The following PTPRD variants were observed in gnomAD, a reference collection of about 807,000 sequenced individuals.
The protein encoded by PTPRD is receptor-type tyrosine-protein phosphatase delta.
PTPRD carries 34 observed loss-of-function variants against 214.5 expected under a neutral mutation model. That is an observed-to-expected ratio of 0.16 (90% CI 0.12 to 0.21). The LOEUF (loss-of-function observed/expected upper bound fraction) is 0.21, where lower values mean the gene tolerates loss of function less well. Among genes scored for constraint, PTPRD ranks in the 10% least tolerant of loss-of-function variants. The pLI is 1.00. For synonymous variants in PTPRD, 1,128 were observed against 845.7 expected (o/e 1.33, Z -5.79); for missense variants, 2,545 against 2,398.7 (o/e 1.06, Z -1.27).
chr9:10,309,858 G>T (rs1459129097), intron 3 of PTPRD, among the ~76,000 whole-genome samples: 1 of 152,046 alleles, frequency 6.6e-6, no homozygotes, highest in Admixed American at 6.6e-5. Flanking sequence ...AGGCTACGCA[G>T]TATTTGACAA....
intron 39 of PTPRD, among the ~76,000 whole-genome samples, chr9:8,352,177 C>G (rs921340541): frequency 6.6e-6 from 1 of 151,772 alleles, no homozygotes; most frequent in Non-Finnish European, 1.5e-5. Context: ...GCTGAACACA[C>G]TCCCTATTAT....
At chr9:8,688,529 C>T (rs763609870) in intron 12 of PTPRD, among the ~76,000 whole-genome samples, 14 of 148,386 alleles carry the variant, frequency 9.4e-5, no homozygotes, top group East Asian at 7.9e-4. Flanking sequence ...CGCACCACTG[C>T]GCTCCAGCCT....
At chr9:8,993,869 G>T (rs1176032403) in intron 11 of PTPRD, among the ~76,000 whole-genome samples, 1 of 152,034 alleles carries the variant, frequency 6.6e-6, no homozygotes, top group Non-Finnish European at 1.5e-5. Context: ...AAACCTAGCA[G>T]GAGGGACACA....
At chr9:9,719,814 C>T (rs974790268) in intron 7 of PTPRD, among the ~76,000 whole-genome samples, 1 of 152,224 alleles carries the variant, frequency 6.6e-6, no homozygotes, top group Non-Finnish European at 1.5e-5. Flanking sequence ...GCATTCCCCT[C>T]ATCCGGACAT....
chr9:9,784,425 A>C (rs985855616), intron 5 of PTPRD, among the ~76,000 whole-genome samples: 3 of 152,064 alleles, frequency 2.0e-5, no homozygotes, highest in Non-Finnish European at 4.4e-5. Context: ...CCACAATTAT[A>C]CTGAAGGAAA....
intron 7 of PTPRD, among the ~76,000 whole-genome samples, chr9:9,615,882 T>A (rs924628250): frequency 2.0e-5 from 3 of 152,196 alleles, no homozygotes; most frequent in Admixed American, 1.3e-4. Flanking sequence ...AAACAAGTCC[T>A]CTCTCAATAG....
At chr9:10,566,948 C>T (rs2065820951) in intron 2 of PTPRD, among the ~76,000 whole-genome samples, 1 of 152,114 alleles carries the variant, frequency 6.6e-6, no homozygotes, top group South Asian at 2.1e-4. Context: ...CTACCTCTCA[C>T]TCAATATTTA....
intron 3 of PTPRD, among the ~76,000 whole-genome samples, chr9:10,037,715 T>C (rs1266764150): frequency 2.0e-5 from 3 of 152,144 alleles, no homozygotes; most frequent in Admixed American, 6.6e-5. Flanking sequence ...CTTCGTTTTC[T>C]TGGAAAAGAT....
intron 9 of PTPRD, among the ~76,000 whole-genome samples, chr9:9,294,757 T>C (rs1053552441): frequency 2.6e-5 from 4 of 151,630 alleles, no homozygotes; most frequent in Non-Finnish European, 5.9e-5. Context: ...TGAATTTCTG[T>C]TGTTTAAGTC....
At chr9:8,736,041 G>A (rs1337033481) in intron 11 of PTPRD, among the ~76,000 whole-genome samples, 1 of 152,130 alleles carries the variant, frequency 6.6e-6, no homozygotes, top group Admixed American at 6.6e-5. Context: ...TTTTAGAGCA[G>A]AGGAACCATG....
At chr9:8,985,388 A>T (rs1361714329) in intron 11 of PTPRD, among the ~76,000 whole-genome samples, 1 of 152,098 alleles carries the variant, frequency 6.6e-6, no homozygotes, top group African/African-American at 2.4e-5. Flanking sequence ...CCTTTAATAA[A>T]TTATTGAATA....
intron 9 of PTPRD, among the ~76,000 whole-genome samples, chr9:9,220,693 A>C (rs2099955399): frequency 6.6e-6 from 1 of 152,206 alleles, no homozygotes; most frequent in South Asian, 2.1e-4. Context: ...CAGCACAGTC[A>C]ACTACATTTG....
intron 5 of PTPRD, among the ~76,000 whole-genome samples, chr9:9,885,775 C>A (rs927508590): frequency 6.6e-6 from 1 of 151,932 alleles, no homozygotes. Flanking sequence ...CCTTTTTAGA[C>A]TTCTGATCTC....
intron 3 of PTPRD, among the ~76,000 whole-genome samples, chr9:10,129,533 G>A (rs1484991160): frequency 4.8e-5 from 5 of 103,298 alleles, no homozygotes; most frequent in African/African-American, 1.9e-4. Context: ...TATCTCACTC[G>A]TCTTTTCTTG....
At chr9:10,126,466 GATATAT>G (rs142958711) in intron 3 of PTPRD, among the ~76,000 whole-genome samples, 1 of 139,448 alleles carries the variant, frequency 7.2e-6, no homozygotes, top group South Asian at 2.4e-4. Flanking sequence ...CACACACATT[GATATAT>G]ATATATATAA....
chr9:8,645,105 T>C (rs1009757476), intron 12 of PTPRD, among the ~76,000 whole-genome samples: 3 of 152,256 alleles, frequency 2.0e-5, no homozygotes, highest in African/African-American at 7.2e-5. Context: ...TATGTAACTA[T>C]AAAATGTATA....
chr9:8,323,423 G>A (rs1830429519), intron 44 of PTPRD, among the ~76,000 whole-genome samples: 1 of 152,146 alleles, frequency 6.6e-6, no homozygotes, highest in Non-Finnish European at 1.5e-5. Context: ...TCTGGGCAAA[G>A]TAAATTGAAA....
intron 10 of PTPRD, among the ~76,000 whole-genome samples, chr9:9,121,956 AG>A (rs1353768218): frequency 6.6e-6 from 1 of 152,208 alleles, no homozygotes; most frequent in African/African-American, 2.4e-5. Flanking sequence ...GCCCAAGAAA[AG>A]TTTAATGAGC....
chr9:9,084,737 G>C (rs1022957509), intron 10 of PTPRD, among the ~76,000 whole-genome samples: 1 of 151,992 alleles, frequency 6.6e-6, no homozygotes, highest in South Asian at 2.1e-4. Context: ...TGTGGGCAAG[G>C]TGCTTAGAGA....
Sources: allele counts gnomAD v4.1 joint callset (sites outside exome capture counted in the v4.1 genomes callset), GRCh38; gene constraint gnomAD v4.1.1; transcripts MANE v1.5; gene names NCBI Gene and HGNC (gene_info 2026-07-23, HGNC 2026-07-21).